Variants in IGSF11 observed in about 807,000 individuals in gnomAD.
The protein encoded by IGSF11 is CXADR like 1.
A neutral mutation model predicts 41.0 loss-of-function variants in IGSF11; 22 were observed. The ratio of observed to expected loss-of-function variants is 0.54; its 90% CI spans 0.38 to 0.77. The LOEUF (loss-of-function observed/expected upper bound fraction) is 0.77, where lower values mean the gene tolerates loss of function less well. IGSF11 is among the 30% of genes least tolerant of loss of function. IGSF11 has a pLI of 0.00. For missense variants in IGSF11, 444 were observed against 530.8 expected (o/e 0.84, Z 1.61); for synonymous variants, 219 against 201.3 (o/e 1.09, Z -0.74).
In IGSF11 at chr3:118,901,746, A is replaced by AT. The variant is rs966944936; in HGVS notation, c.*773dup. 1 of 124,812 alleles carries AT rather than the reference A, an allele frequency of 8.0e-6. No individual in the cohort carries two copies. The highest frequency in any genetic ancestry group is 1.6e-5 in the Non-Finnish European group (1 of 62,660). The allele number at this position is 124,812 out of a possible 1,614,324, so 7.7% of individuals were successfully genotyped here. A position where few individuals can be genotyped will look rare whatever the true frequency, so the allele number is the denominator to read the frequency against. On this transcript the variant is annotated 3_prime_UTR_variant, in exon 7 of 7. Coordinates refer to ENST00000393775, the MANE Select transcript of IGSF11 (RefSeq NM_001015887.3). ...TTTCTTAGCCCAATGCCTCTCATGT[A>AT]TTTAAAAAAAAAAAAAAGCCTTTTA... is the stretch of plus-strand genomic sequence containing the variant.
chr3:119,122,337 G>T (rs954281315), intron 1 of IGSF11, among the ~76,000 whole-genome samples: 5 of 152,178 alleles, frequency 3.3e-5, no homozygotes, highest in Non-Finnish European at 5.9e-5. Flanking sequence ...GCTGATACCT[G>T]CCCACAAAGA....
intron 1 of IGSF11, among the ~76,000 whole-genome samples, chr3:119,016,573 C>G (rs1407587516): frequency 6.6e-6 from 1 of 152,168 alleles, no homozygotes; most frequent in Non-Finnish European, 1.5e-5. Flanking sequence ...AACAGAGCTT[C>G]AAATGAGTTA....
intron 1 of IGSF11, among the ~76,000 whole-genome samples, chr3:118,949,476 A>C (rs1370525827): frequency 6.6e-6 from 1 of 152,146 alleles, no homozygotes; most frequent in Non-Finnish European, 1.5e-5. Flanking sequence ...CCACTTCAAG[A>C]ATAAGATTCT....
intron 1 of IGSF11, among the ~76,000 whole-genome samples, chr3:118,958,802 A>G (rs1051787124): frequency 6.6e-6 from 1 of 152,242 alleles, no homozygotes; most frequent in East Asian, 1.9e-4. Flanking sequence ...CATTATTATA[A>G]TAACACGATG....
At chr3:119,099,710 T>C (rs2076911910) in intron 1 of IGSF11, among the ~76,000 whole-genome samples, 1 of 152,228 alleles carries the variant, frequency 6.6e-6, no homozygotes, top group Admixed American at 6.5e-5. Flanking sequence ...ATGGAGGGCC[T>C]TGAATGCCAT....
chr3:119,141,922 A>C (rs1251512301), intron 1 of IGSF11, among the ~76,000 whole-genome samples: 1 of 152,110 alleles, frequency 6.6e-6, no homozygotes, highest in Non-Finnish European at 1.5e-5. Flanking sequence ...TAAATAACGG[A>C]CACACTGAAA....
intron 1 of IGSF11, among the ~76,000 whole-genome samples, chr3:119,004,146 T>C (rs1334100527): frequency 1.3e-5 from 2 of 148,396 alleles, no homozygotes; most frequent in Non-Finnish European, 3.0e-5. Context: ...TCAGCTCCTG[T>C]TATTGGTCTA....
chr3:119,059,330 T>C, intron 1 of IGSF11, among the ~76,000 whole-genome samples: 1 of 152,104 alleles, frequency 6.6e-6, no homozygotes, highest in East Asian at 1.9e-4. Context: ...CCAAACATTG[T>C]ATGTTCTCAT....
At chr3:119,107,771 G>C (rs1205185533), upstream of IGSF11, among the ~76,000 whole-genome samples, 1 of 152,074 alleles carries the variant, frequency 6.6e-6, no homozygotes, top group Non-Finnish European at 1.5e-5. Context: ...TCTATAAGGT[G>C]TAAGGAAGGG....
chr3:119,037,423 T>G (rs924516185), upstream of IGSF11, among the ~76,000 whole-genome samples: 3 of 152,090 alleles, frequency 2.0e-5, no homozygotes, highest in South Asian at 2.1e-4. Flanking sequence ...TCCTAAAGAT[T>G]TATCCCACCT....
At chr3:119,092,696 A>G (rs2076784833) in intron 1 of IGSF11, among the ~76,000 whole-genome samples, 1 of 152,170 alleles carries the variant, frequency 6.6e-6, no homozygotes, top group South Asian at 2.1e-4. Context: ...TTCGCTCACT[A>G]CTGATTCACT....
At chr3:119,121,517 TGAG>T (rs2077332940) in intron 1 of IGSF11, among the ~76,000 whole-genome samples, 2 of 151,860 alleles carry the variant, frequency 1.3e-5, no homozygotes, top group Non-Finnish European at 2.9e-5. Context: ...TCATTCAGTC[TGAG>T]GAGAAGAAAG....
chr3:119,054,164 T>C (rs1208215803), intron 1 of IGSF11, among the ~76,000 whole-genome samples: 2 of 152,080 alleles, frequency 1.3e-5, no homozygotes, highest in African/African-American at 4.8e-5. Context: ...GATAAATAGA[T>C]GGAACTTAAT....
At chr3:119,015,735 T>C (rs930879116) in intron 1 of IGSF11, among the ~76,000 whole-genome samples, 1 of 147,804 alleles carries the variant, frequency 6.8e-6, no homozygotes, top group African/African-American at 2.5e-5. Flanking sequence ...ATTTACCAAA[T>C]ATGAATAAAT....
chr3:118,979,756 G>C (rs1251111228), intron 1 of IGSF11, among the ~76,000 whole-genome samples: 1 of 152,050 alleles, frequency 6.6e-6, no homozygotes, highest in Non-Finnish European at 1.5e-5. Context: ...TTCTTGATTG[G>C]AATAAAATAT....
At chr3:119,076,173 C>T (rs888089917) in intron 1 of IGSF11, among the ~76,000 whole-genome samples, 3 of 152,084 alleles carry the variant, frequency 2.0e-5, no homozygotes, top group Non-Finnish European at 4.4e-5. Flanking sequence ...GGATTACCTA[C>T]TTAATAAATG....
upstream of IGSF11, among the ~76,000 whole-genome samples, chr3:119,037,352 C>T (rs575097729): frequency 4.6e-5 from 7 of 152,270 alleles, no homozygotes; most frequent in Non-Finnish European, 7.4e-5. Context: ...TATGATGACC[C>T]TGTCTTCACA....
chr3:118,929,672 ACT>A (rs1559913910), intron 2 of IGSF11, among the ~76,000 whole-genome samples: 1 of 151,910 alleles, frequency 6.6e-6, no homozygotes, highest in Admixed American at 6.6e-5. Flanking sequence ...TTTATATGAG[ACT>A]CTTTGAGCTC....
chr3:119,000,701 A>C (rs1038253563), intron 1 of IGSF11, among the ~76,000 whole-genome samples: 2 of 152,158 alleles, frequency 1.3e-5, no homozygotes, highest in Non-Finnish European at 2.9e-5. Flanking sequence ...TCAGGATGAT[A>C]ATTTTGAAGA....
Sources: allele counts gnomAD v4.1 joint callset (sites outside exome capture counted in the v4.1 genomes callset), GRCh38; gene constraint gnomAD v4.1.1; transcripts MANE v1.5; gene names NCBI Gene and HGNC (gene_info 2026-07-23, HGNC 2026-07-21).